GPC6: variants seen among roughly 807,000 people sequenced by gnomAD.
GPC6 encodes the protein glypican-6.
Under a neutral mutation model 55.2 loss-of-function variants are expected in GPC6, and 14 were observed. The observed-to-expected ratio is 0.25, with a 90% CI of 0.17 to 0.40. GPC6 has a LOEUF of 0.40. Among genes scored for constraint, GPC6 ranks in the 10% least tolerant of loss-of-function variants. GPC6 has a pLI of 1.00. For synonymous variants in GPC6, 278 were observed against 259.6 expected (o/e 1.07, Z -0.68); for missense variants, 641 against 708.5 (o/e 0.90, Z 1.08).
chr13:94,136,766 T>C (rs1442841828), intron 4 of GPC6, among the ~76,000 whole-genome samples: 1 of 152,078 alleles, frequency 6.6e-6, no homozygotes, highest in African/African-American at 2.4e-5. Flanking sequence ...TGTAGAGTGA[T>C]TGAAGGAATT....
intron 2 of GPC6, among the ~76,000 whole-genome samples, chr13:93,676,353 G>A (rs1214426568): frequency 6.6e-6 from 1 of 151,310 alleles, no homozygotes; most frequent in Non-Finnish European, 1.5e-5. Context: ...GGTAGCAGAG[G>A]TTGCAGTGAG....
intron 2 of GPC6, among the ~76,000 whole-genome samples, chr13:93,565,901 G>A (rs1876079330): frequency 7.0e-6 from 1 of 143,174 alleles, no homozygotes; most frequent in African/African-American, 2.6e-5. Flanking sequence ...CAGCCTGGGT[G>A]ACAGGGTGAG....
intron 1 of GPC6, among the ~76,000 whole-genome samples, chr13:93,500,253 G>C (rs2139370750): frequency 6.6e-6 from 1 of 152,290 alleles, no homozygotes; most frequent in South Asian, 2.1e-4. Context: ...GGGACTAACG[G>C]ATTTATCTGA....
chr13:94,135,954 A>G (rs1282841132), intron 4 of GPC6, among the ~76,000 whole-genome samples: 3 of 152,224 alleles, frequency 2.0e-5, no homozygotes, highest in African/African-American at 4.8e-5. Context: ...GCTTCCAGGC[A>G]GAAGAATAGC....
intron 4 of GPC6, among the ~76,000 whole-genome samples, chr13:94,127,136 C>G (rs1886847968): frequency 6.6e-6 from 1 of 152,004 alleles, no homozygotes; most frequent in Admixed American, 6.6e-5. Flanking sequence ...TGTATCATTC[C>G]ATAATCACCC....
At chr13:94,235,925 G>T (rs184118164) in intron 4 of GPC6, among the ~76,000 whole-genome samples, 1 of 152,120 alleles carries the variant, frequency 6.6e-6, no homozygotes. Context: ...CCATTACACA[G>T]GTGACGAAAC....
rs573602283 is a variant in GPC6 at position 93,950,405 on chromosome 13, G to C, written c.712-77324G>C. Reference sequence around the variant, plus strand: ...ATAATAAACAAGTATAAAAGCTAAAGGAATATGCTATTTTTTTTCCACCTA... The same window carrying C: ...ATAATAAACAAGTATAAAAGCTAAACGAATATGCTATTTTTTTTCCACCTA... On this transcript the variant is annotated intron_variant, in intron 3 of 8. Transcript: ENST00000377047. Among the ~76,000 whole-genome samples the C allele has an allele frequency of 3.1e-3, 465 of 152,176 alleles. 2 individuals are homozygous for C. Among genetic ancestry groups the C allele is most frequent in the Non-Finnish European group, 4.9e-3 (334 of 68,014 alleles).
rs1309091525 is a variant in GPC6 at position 93,574,967 on chromosome 13, C to A, written c.319+29546C>A. Among the ~76,000 whole-genome samples, 4 of 152,112 alleles carry A rather than the reference C, an allele frequency of 2.6e-5. No homozygotes were observed. In the East Asian group the frequency reaches 7.7e-4, roughly 29 times the overall value. On this transcript the variant is annotated intron_variant, in intron 2 of 8. Transcript: ENST00000377047. ...CAAACCCAGGGAAGTGCTTAATGTA[C>A]TTTTTTGGCCAAAAAGAAAGTGTTC...
At chr13:94,305,488 A>G (rs1875894122) in intron 5 of GPC6, among the ~76,000 whole-genome samples, 1 of 152,198 alleles carries the variant, frequency 6.6e-6, no homozygotes, top group African/African-American at 2.4e-5. Context: ...GACCATTTTA[A>G]ACATTGAAAT....
intron 3 of GPC6, among the ~76,000 whole-genome samples, chr13:93,921,153 AC>A (rs1221142383): frequency 6.6e-6 from 1 of 152,146 alleles, no homozygotes; most frequent in Non-Finnish European, 1.5e-5. Flanking sequence ...GAGTTTCCTG[AC>A]CCCCCTTACA....
intron 2 of GPC6, among the ~76,000 whole-genome samples, chr13:93,670,007 C>A (rs1219047340): frequency 6.6e-6 from 1 of 152,150 alleles, no homozygotes; most frequent in African/African-American, 2.4e-5. Context: ...TTATCAGCTT[C>A]AGTCGCTTGA....
At chr13:93,525,947 G>A (rs1881630768) in intron 1 of GPC6, among the ~76,000 whole-genome samples, 1 of 152,058 alleles carries the variant, frequency 6.6e-6, no homozygotes, top group Non-Finnish European at 1.5e-5. Context: ...TGTTTAGAAG[G>A]AGAATGCACA....
chr13:93,262,599 A>G (rs548018657), intron 1 of GPC6, among the ~76,000 whole-genome samples: 80 of 152,350 alleles, frequency 5.3e-4, no homozygotes, highest in African/African-American at 1.9e-3. Context: ...TTTATATTTC[A>G]TATGTTAACC....
At chr13:93,408,770 T>C (rs1005762334) in intron 1 of GPC6, among the ~76,000 whole-genome samples, 2 of 152,070 alleles carry the variant, frequency 1.3e-5, no homozygotes, top group African/African-American at 4.8e-5. Flanking sequence ...TAAGTTATTA[T>C]GGAGGTAGTA....
chr13:94,235,214 G>A (rs1272451427), intron 4 of GPC6, among the ~76,000 whole-genome samples: 1 of 152,110 alleles, frequency 6.6e-6, no homozygotes, highest in Non-Finnish European at 1.5e-5. Flanking sequence ...GAGCTATAAA[G>A]CACTACACTC....
At chr13:93,897,921 G>A (rs777761197) in intron 3 of GPC6, among the ~76,000 whole-genome samples, 5 of 151,844 alleles carry the variant, frequency 3.3e-5, no homozygotes, top group Admixed American at 6.6e-5. Context: ...ATCTATCCTC[G>A]CTTTGCTTTC....
intron 2 of GPC6, among the ~76,000 whole-genome samples, chr13:93,640,399 T>C (rs539938056): frequency 1.3e-5 from 2 of 152,204 alleles, no homozygotes; most frequent in Admixed American, 1.3e-4. Flanking sequence ...TTATCCTTGT[T>C]TTATATAGAA....
chr13:93,443,797 A>G (rs1389906197), intron 1 of GPC6, among the ~76,000 whole-genome samples: 2 of 152,220 alleles, frequency 1.3e-5, no homozygotes, highest in Admixed American at 1.3e-4. Flanking sequence ...GAATGGCCTT[A>G]ATCATGATCT....
chr13:94,197,623 A>G (rs1418941178), intron 4 of GPC6, among the ~76,000 whole-genome samples: 1 of 152,118 alleles, frequency 6.6e-6, no homozygotes, highest in African/African-American at 2.4e-5. Flanking sequence ...TATAACTTTA[A>G]TTGCCTCCCT....
Sources: allele counts gnomAD v4.1 joint callset (sites outside exome capture counted in the v4.1 genomes callset), GRCh38; gene constraint gnomAD v4.1.1; transcripts MANE v1.5; gene names NCBI Gene and HGNC (gene_info 2026-07-23, HGNC 2026-07-21).